The following ICE1 variants were observed in gnomAD, a reference collection of about 807,000 sequenced individuals.
ICE1 encodes little elongation complex subunit 1.
In ICE1, 64 loss-of-function variants were observed where a neutral mutation model predicts 192.7. The observed-to-expected ratio is 0.33, with a 90% CI of 0.27 to 0.41. ICE1 has a LOEUF of 0.41. Among genes scored for constraint, ICE1 ranks in the 10% least tolerant of loss-of-function variants. The pLI is 1.00. For synonymous variants in ICE1, 1,010 were observed against 984.5 expected, an observed-to-expected ratio of 1.03 and a Z score of -0.49; for missense variants, 2,708 against 2,696.0, an observed-to-expected ratio of 1.00 and a Z score of -0.10.
rs368942549 is a variant in ICE1, at chr5:5,452,912, A to G, written c.605-1640A>G. On this transcript the variant is annotated intron_variant, in intron 10 of 18. Transcript: ENST00000296564. The stretch of plus-strand genomic sequence containing the variant: ...TTAAAGGATCAGGGAAAGTTGTGCA[A>G]TTCACTTGAAGGAGGTGTTGTCTTC... 1.8e-4 allele frequency among the ~76,000 whole-genome samples: 27 copies of G among 152,244 alleles called. No individual in the cohort carries two copies. The East Asian group carries it at 3.9e-3, about 22-fold the overall frequency.
intron 12 of ICE1, among the ~76,000 whole-genome samples, chr5:5,458,078 T>C (rs764429042): frequency 8.5e-5 from 13 of 152,226 alleles, no homozygotes; most frequent in East Asian, 1.9e-4. Flanking sequence ...CATGGAGTTA[T>C]ATAGTGACAG....
At chr5:5,427,647 G>A (rs887211770) in intron 1 of ICE1, among the ~76,000 whole-genome samples, 3 of 152,164 alleles carry the variant, frequency 2.0e-5, no homozygotes, top group South Asian at 2.1e-4. Flanking sequence ...AAGTGTCATC[G>A]TTTGGAACTT....
chr5:5,452,997 TTTTA>T (rs1055300204), intron 10 of ICE1, among the ~76,000 whole-genome samples: 6 of 152,282 alleles, frequency 3.9e-5, no homozygotes, highest in South Asian at 2.1e-4. Context: ...AATAGAGTGC[TTTTA>T]TTTATTTATT....
At chr5:5,457,847 A>G (rs1320647931) in intron 12 of ICE1, 106 bp downstream of exon 12, 4 of 1,152,550 alleles carry the variant, frequency 3.5e-6, no homozygotes, top group Non-Finnish European at 4.9e-6. Context: ...CAGATTATTC[A>G]TTTTAGCCAA....
intron 10 of ICE1, among the ~76,000 whole-genome samples, chr5:5,449,871 C>G (rs1738361812): frequency 6.6e-6 from 1 of 152,152 alleles, no homozygotes; most frequent in Admixed American, 6.6e-5. Flanking sequence ...TAAGGGCTAG[C>G]CCCTCCTCTT....
intron 7 of ICE1, among the ~76,000 whole-genome samples, chr5:5,444,677 G>T (rs1159267625): frequency 1.3e-5 from 2 of 152,156 alleles, no homozygotes; most frequent in Non-Finnish European, 2.9e-5. Flanking sequence ...TAAGTAGCTG[G>T]TGGAAAGGGT....
chr5:5,430,859 G>A (rs1351151767), intron 1 of ICE1, among the ~76,000 whole-genome samples: 1 of 152,180 alleles, frequency 6.6e-6, no homozygotes, highest in East Asian at 1.9e-4. Context: ...GATAATGATT[G>A]TATCTTTAAT....
At position 5,460,552 on chromosome 5, in the gene ICE1, A is replaced by C. The variant is rs1283395069; in HGVS notation, c.1218A>C (p.Ser406=). Residue 406 remains serine (S), a synonymous_variant, in exon 13 of 19, where the codon TCA becomes TCC. Transcript: ENST00000296564. ...DTTESQNYFG[S]LRKNKGSGTW... is the part of the protein sequence containing the mutation. ...CTGAATCACAGAATTATTTTGGCTC[A>C]TTGAGAAAAAATAAAGGAAGTGGCA... The C allele has an allele frequency of 1.9e-6, 3 of 1,612,326 alleles. No individual in the cohort carries two copies. The Admixed American group carries it at 5.0e-5, about 27-fold the overall frequency.
chr5:5,454,018 C>G (rs1228646914), intron 10 of ICE1, among the ~76,000 whole-genome samples: 1 of 152,200 alleles, frequency 6.6e-6, no homozygotes, highest in Admixed American at 6.5e-5. Flanking sequence ...CGTCTCCCCT[C>G]AAGTCCATTG....
intron 12 of ICE1, 125 bp downstream of exon 12, chr5:5,457,866 G>T (rs1738635254): frequency 1.1e-6 from 1 of 921,888 alleles, no homozygotes; most frequent in Admixed American, 2.3e-5. Context: ...AATTTTGTTA[G>T]GGGGTAACAT....
At chr5:5,423,030 G>C (rs1017912188) in intron 1 of ICE1, 31 bp downstream of exon 1, 9 of 1,316,004 alleles carry the variant, frequency 6.8e-6, no homozygotes, top group Non-Finnish European at 1.9e-6. Flanking sequence ...CCGGGCGCGG[G>C]GGGGGACTCG....
At chr5:5,470,368 C>A (rs1450093866) in intron 15 of ICE1, among the ~76,000 whole-genome samples, 1 of 152,212 alleles carries the variant, frequency 6.6e-6, no homozygotes, top group Non-Finnish European at 1.5e-5. Context: ...TAGAGCCCAT[C>A]TCCTTTCACC....
chr5:5,482,634 C>G (rs1199173725), intron 17 of ICE1, among the ~76,000 whole-genome samples: 1 of 152,170 alleles, frequency 6.6e-6, no homozygotes, highest in African/African-American at 2.4e-5. Context: ...GCACTATACG[C>G]AGGAGATGGG....
At chr5:5,446,585 C>A (rs774343892) in intron 7 of ICE1, among the ~76,000 whole-genome samples, 1 of 152,170 alleles carries the variant, frequency 6.6e-6, no homozygotes, top group Non-Finnish European at 1.5e-5. Context: ...TGCAAGGAAA[C>A]ATCTTTAAAG....
intron 1 of ICE1, among the ~76,000 whole-genome samples, chr5:5,432,465 G>A (rs1737745790): frequency 6.6e-6 from 1 of 152,170 alleles, no homozygotes; most frequent in Admixed American, 6.5e-5. Context: ...TTTTTGGCTA[G>A]TTTGAAATAG....
At chr5:5,448,626 G>A (rs1286719585) in intron 10 of ICE1, among the ~76,000 whole-genome samples, 1 of 152,166 alleles carries the variant, frequency 6.6e-6, no homozygotes, top group Non-Finnish European at 1.5e-5. Flanking sequence ...TGTTTAATTA[G>A]TAAATAATGG....
chr5:5,466,502 G>T lies in ICE1; in HGVS notation c.6061G>T (p.Asp2021Tyr). Residue 2021 changes from aspartate to tyrosine, a missense_variant and splice_region_variant, in exon 14 of 19, where the codon GAT (aspartate) becomes TAT (tyrosine). By Grantham distance (160) the Asp-to-Tyr change is radical. Coordinates refer to ENST00000296564, the MANE Select transcript of ICE1 (RefSeq NM_015325.3). ...RLFCYSLLKE[D>Y]FPESEKLTLF... ...GTTTTGCTACAGCCTACTTAAAGAAGGTATGCTTAGATTGTGACAATTTTG... is the reference window on the plus strand; with the variant it reads ...GTTTTGCTACAGCCTACTTAAAGAATGTATGCTTAGATTGTGACAATTTTG... 6.2e-7 allele frequency: 1 copy of T among 1,601,530 alleles called. No homozygotes were observed.
At chr5:5,445,438 A>G (rs1237486228) in intron 7 of ICE1, among the ~76,000 whole-genome samples, 1 of 152,038 alleles carries the variant, frequency 6.6e-6, no homozygotes, top group African/African-American at 2.4e-5. Flanking sequence ...TTTATTTATC[A>G]TATTTTATTT....
In ICE1 at chr5:5,489,394, G is replaced by A; in HGVS notation, c.*64G>A. 1 of 1,387,518 alleles carries A rather than the reference G, an allele frequency of 7.2e-7. No homozygotes were observed. Among genetic ancestry groups the A allele is most frequent in the Non-Finnish European group, 9.7e-7 (1 of 1,031,862 alleles). The allele number at this position is 1,387,518 out of a possible 1,614,324, so 86.0% of individuals were successfully genotyped here. On this transcript the variant is annotated 3_prime_UTR_variant, in exon 19 of 19. Coordinates refer to ENST00000296564, the MANE Select transcript of ICE1 (RefSeq NM_015325.3). ...ATTTTGAACACAAATAGTTTGATCAGCTTTCAGAATACAAAGGGAGGTTTC... is the reference window on the plus strand; with the variant it reads ...ATTTTGAACACAAATAGTTTGATCAACTTTCAGAATACAAAGGGAGGTTTC...
Sources: gnomAD v4.1 joint callset for allele counts (sites outside exome capture counted in the v4.1 genomes callset) on GRCh38, gnomAD v4.1.1 for gene constraint, MANE v1.5 for transcripts, NCBI Gene and HGNC (gene_info 2026-07-23, HGNC 2026-07-21) for gene names.